Variants in REEP1 observed in about 807,000 individuals in gnomAD.
REEP1 encodes the protein receptor expression-enhancing protein 1.
A neutral mutation model predicts 40.3 loss-of-function variants in REEP1; 22 were observed. The ratio of observed to expected loss-of-function variants is 0.55; its 90% CI spans 0.39 to 0.78. The LOEUF (loss-of-function observed/expected upper bound fraction) is 0.78. Among genes scored for constraint, REEP1 ranks in the 30% least tolerant of loss-of-function variants. The probability of loss-of-function intolerance (pLI) is 0.00; values close to 1 mark genes in which losing one functional copy is unlikely to be tolerated. For missense variants in REEP1, 280 were observed against 361.1 expected (o/e 0.78, Z 1.82); for synonymous variants, 116 against 139.2 (o/e 0.83, Z 1.17).
chr2:86,308,823 TAA>T lies in REEP1; in HGVS notation c.33-26583_33-26582del, dbSNP rs148489538. Among the ~76,000 whole-genome samples, 613 of 152,296 alleles carry T rather than the reference TAA, an allele frequency of 4.0e-3. 1 individual carries two copies. Among genetic ancestry groups the T allele is most frequent in the Non-Finnish European group, 6.5e-3 (440 of 68,014 alleles). Reference sequence around the variant, plus strand: ...AATGGACTCAAACTGGCATAAGCAGTAAAGAGAATTTGTGGGGAGGACACGGG... The same window carrying T: ...AATGGACTCAAACTGGCATAAGCAGTAGAGAATTTGTGGGGAGGACACGGG... On this transcript the variant is annotated intron_variant, in intron 1 of 8. Coordinates refer to ENST00000538924, the MANE Select transcript of REEP1 (RefSeq NM_001371279.1).
chr2:86,264,116 C>A (rs948927586), intron 2 of REEP1, 75 bp from the exon 3 acceptor site: 30 of 1,157,764 alleles, frequency 2.6e-5, no homozygotes, highest in Middle Eastern at 1.9e-4. Context: ...GAAGAACAGG[C>A]CCCGGCGGCA....
At chr2:86,229,759 T>C (rs974252860) in intron 6 of REEP1, among the ~76,000 whole-genome samples, 3 of 151,914 alleles carry the variant, frequency 2.0e-5, no homozygotes, top group Non-Finnish European at 4.4e-5. Context: ...ATTACAGGCA[T>C]GCACCACCAC....
chr2:86,309,856 G>C (rs10166072), intron 1 of REEP1, among the ~76,000 whole-genome samples: 6,559 of 152,164 alleles, frequency 0.043, 475 homozygotes, highest in African/African-American at 0.15. Context: ...TACGAATTTG[G>C]GGGGGCAATT....
At chr2:86,219,278 T>G (rs1256838000) in intron 8 of REEP1, among the ~76,000 whole-genome samples, 1 of 152,220 alleles carries the variant, frequency 6.6e-6, no homozygotes, top group Non-Finnish European at 1.5e-5. Flanking sequence ...TTGTTCTTAT[T>G]TATAAAAACT....
chr2:86,300,553 G>A (rs1573010260), intron 1 of REEP1, among the ~76,000 whole-genome samples: 1 of 152,316 alleles, frequency 6.6e-6, no homozygotes, highest in East Asian at 1.9e-4. Flanking sequence ...GAGAGTCAGA[G>A]AGAGTACCAG....
At chr2:86,314,890 A>G (rs1679923934) in intron 1 of REEP1, among the ~76,000 whole-genome samples, 2 of 151,664 alleles carry the variant, frequency 1.3e-5, no homozygotes, top group Admixed American at 1.3e-4. Context: ...ATGAGGTCTC[A>G]CTGTGTTGCC....
intron 1 of REEP1, among the ~76,000 whole-genome samples, chr2:86,296,659 C>G (rs887932397): frequency 6.6e-6 from 1 of 152,126 alleles, no homozygotes; most frequent in African/African-American, 2.4e-5. Context: ...GAGTTTGAAA[C>G]CAGCCTGGCC....
intron 5 of REEP1, chr2:86,251,383 C>G (rs1355187484): frequency 1.2e-5 from 2 of 162,982 alleles, no homozygotes; most frequent in Non-Finnish European, 2.7e-5. Context: ...CAAACCTCCT[C>G]CACTTCAGTT....
At position 86,320,577 on chromosome 2, in the gene REEP1, C is replaced by T. The variant is rs185482043; in HGVS notation, c.32+16902G>A. On this transcript the variant is annotated intron_variant, in intron 1 of 8. Transcript: ENST00000538924. Reference sequence around the variant, plus strand: ...GATGCTAGAATTATCAGACTCCGAACATAACATAAATATGTTTAATATGTT... The same window carrying T: ...GATGCTAGAATTATCAGACTCCGAATATAACATAAATATGTTTAATATGTT... Among the ~76,000 whole-genome samples, 82 of 152,198 alleles carry T rather than the reference C, an allele frequency of 5.4e-4. 1 individual carries two copies. The highest frequency in any genetic ancestry group is 1.2e-3 in the Admixed American group (19 of 15,288).
chr2:86,237,217 GA>G (rs70956107), intron 5 of REEP1, among the ~76,000 whole-genome samples: 60,911 of 151,996 alleles, frequency 0.4, 14,260 homozygotes, highest in Non-Finnish European at 0.54. Flanking sequence ...AGAACTGTTT[GA>G]GAAAGGAATA....
In REEP1 at chr2:86,216,951, A is replaced by G; in HGVS notation, c.*88T>C. ...GAGGCTGCACACTCAAAGCACACCC[A>G]GCTTGCGGATTTCTATGTTATTAGT... On this transcript the variant is annotated 3_prime_UTR_variant, in exon 9 of 9. Transcript: ENST00000538924. 1 of 1,104,314 alleles carries G rather than the reference A, an allele frequency of 9.1e-7. No individual in the cohort carries two copies. Among genetic ancestry groups the G allele is most frequent in the African/African-American group, 1.5e-5 (1 of 64,738 alleles). The allele number at this position is 1,104,314 out of a possible 1,614,324, so 68.4% of individuals were successfully genotyped here.
chr2:86,287,455 A>C (rs1048110737), intron 1 of REEP1, among the ~76,000 whole-genome samples: 3 of 152,208 alleles, frequency 2.0e-5, no homozygotes, highest in African/African-American at 7.2e-5. Flanking sequence ...CTTCCAATTC[A>C]TGAAGGCACA....
chr2:86,232,852 C>A, intron 5 of REEP1, 50 bp from the exon 6 acceptor site: 2 of 1,564,196 alleles, frequency 1.3e-6, no homozygotes, highest in South Asian at 2.3e-5. Context: ...CTCCACAGGT[C>A]ACACTCGACA....
chr2:86,304,418 A>G (rs1271766868), intron 1 of REEP1, among the ~76,000 whole-genome samples: 1 of 152,154 alleles, frequency 6.6e-6, no homozygotes, highest in Non-Finnish European at 1.5e-5. Flanking sequence ...TTTATTTCCA[A>G]TCGCAGACTC....
chr2:86,275,824 T>C (rs1677728464), intron 2 of REEP1, among the ~76,000 whole-genome samples: 1 of 152,002 alleles, frequency 6.6e-6, no homozygotes, highest in African/African-American at 2.4e-5. Flanking sequence ...GTAAAACAAA[T>C]CCCGGGCACA....
At chr2:86,273,202 C>T (rs369548328) in intron 2 of REEP1, among the ~76,000 whole-genome samples, 10 of 150,766 alleles carry the variant, frequency 6.6e-5, no homozygotes, top group African/African-American at 2.2e-4. Flanking sequence ...TTATAGCCTT[C>T]AATAGTTCCT....
chr2:86,222,139 C>T (rs1276915616), intron 7 of REEP1, among the ~76,000 whole-genome samples: 1 of 152,206 alleles, frequency 6.6e-6, no homozygotes, highest in Non-Finnish European at 1.5e-5. Flanking sequence ...TTCACTGAGG[C>T]TGAGCAATGA....
chr2:86,271,353 G>C (rs1202852170), intron 2 of REEP1, among the ~76,000 whole-genome samples: 1 of 147,852 alleles, frequency 6.8e-6, no homozygotes, highest in South Asian at 2.2e-4. Context: ...GAGAAAAAAA[G>C]AAAAATCATT....
intron 6 of REEP1, among the ~76,000 whole-genome samples, chr2:86,227,988 A>C (rs1372829073): frequency 6.6e-6 from 1 of 152,204 alleles, no homozygotes; most frequent in Non-Finnish European, 1.5e-5. Context: ...GGCATTCAGC[A>C]TATGGTATCT....
Sources: allele counts gnomAD v4.1 joint callset (sites outside exome capture counted in the v4.1 genomes callset), GRCh38; gene constraint gnomAD v4.1.1; transcripts MANE v1.5; gene names NCBI Gene and HGNC (gene_info 2026-07-23, HGNC 2026-07-21).